The following SLC46A3 variants were observed in gnomAD, a reference collection of about 807,000 sequenced individuals.
SLC46A3 encodes lysosomal proton-coupled steroid conjugate and bile acid symporter SLC46A3.
In SLC46A3, 26 loss-of-function variants were observed where a neutral mutation model predicts 38.5. That is an observed-to-expected ratio of 0.68 (90% CI 0.49 to 0.94). The LOEUF (loss-of-function observed/expected upper bound fraction) is 0.94, where lower values mean the gene tolerates loss of function less well. Among genes scored for constraint, SLC46A3 ranks in the 40% least tolerant of loss-of-function variants. SLC46A3 has a pLI of 0.00. For missense variants in SLC46A3, 510 were observed against 544.3 expected, an observed-to-expected ratio of 0.94 and a Z score of 0.63; for synonymous variants, 185 against 192.5, an observed-to-expected ratio of 0.96 and a Z score of 0.32.
chr13:28,717,868 T>A lies in SLC46A3; in HGVS notation c.131A>T (p.Asp44Val). ...TTTTTCACACTCAGAAATATTGCTA[T>A]CAGATGAAAAAGTGTAGTTGCCAGT... ...EETGNYTFSS[D>V]SNISECEKNK... The change falls in exon 2 of 6, where the codon GAT becomes GTT. Residue 44 changes from aspartate (D) to valine (V), a missense_variant. Physicochemically the swap from Asp to Val is radical, Grantham distance 152. Coordinates refer to ENST00000266943, the MANE Select transcript of SLC46A3 (RefSeq NM_181785.4). The A allele has an allele frequency of 1.2e-6, 2 of 1,614,042 alleles. No individual in the cohort carries two copies. The highest frequency in any genetic ancestry group is 1.1e-5 in the South Asian group (1 of 91,034).
chr13:28,717,169 C>G (rs1002540420), intron 2 of SLC46A3, among the ~76,000 whole-genome samples: 2 of 152,080 alleles, frequency 1.3e-5, no homozygotes, highest in Admixed American at 1.3e-4. Flanking sequence ...TAATATCTGG[C>G]TAAACATCTT....
intron 3 of SLC46A3, among the ~76,000 whole-genome samples, chr13:28,711,433 A>C (rs1399231391): frequency 4.0e-5 from 6 of 151,830 alleles, no homozygotes; most frequent in East Asian, 3.9e-4. Context: ...AAAGAAAAAA[A>C]AAAAACAAAA....
chr13:28,705,111 C>T (rs1885138859), intron 4 of SLC46A3, among the ~76,000 whole-genome samples: 1 of 152,198 alleles, frequency 6.6e-6, no homozygotes, highest in Admixed American at 6.5e-5. Flanking sequence ...AATTTCATGA[C>T]CATTTTCAGT....
intron 2 of SLC46A3, among the ~76,000 whole-genome samples, chr13:28,716,196 A>G (rs1885523902): frequency 6.6e-6 from 1 of 152,116 alleles, no homozygotes; most frequent in African/African-American, 2.4e-5. Context: ...ACAAAATAAA[A>G]TAAAAAACAC....
Position 28,700,214 on chromosome 13 carries a change from G to C in SLC46A3, c.*1283C>G, listed in dbSNP as rs1044461911. 1 of 152,170 alleles carries C rather than the reference G, an allele frequency of 6.6e-6. No individual in the cohort carries two copies. The highest frequency in any genetic ancestry group is 2.4e-5 in the African/African-American group (1 of 41,440). The allele number at this position is 152,170 out of a possible 1,614,324, so 9.4% of individuals were successfully genotyped here. The stretch of plus-strand genomic sequence containing the variant: ...GCTGGGATCGAAGTGCACACAAAGA[G>C]CTATGGAAGCCCTGTAGGGACTGGG... On this transcript the variant is annotated 3_prime_UTR_variant, in exon 6 of 6. Coordinates refer to ENST00000266943, the MANE Select transcript of SLC46A3 (RefSeq NM_181785.4).
At chr13:28,703,866 T>C in intron 5 of SLC46A3, 77 bp downstream of exon 5, 3 of 1,360,970 alleles carry the variant, frequency 2.2e-6, no homozygotes, top group East Asian at 2.3e-5. Flanking sequence ...AACAGACCTA[T>C]GTAATTTACT....
In SLC46A3 at chr13:28,717,484, A is replaced by AATTTTTTTTTTTTTTGTT. The variant is rs1322198755; in HGVS notation, c.189+325_189+326insAACAAAAAAAAAAAAAAT. Reference sequence around the variant, plus strand: ...CAGCCTGCCCTGCCCCAATTTTCAGACTTTTTTTTTTTTTTTTTTTTTTTT... The same window carrying AATTTTTTTTTTTTTTGTT: ...CAGCCTGCCCTGCCCCAATTTTCAGAATTTTTTTTTTTTTTGTTCTTTTTTTTTTTTTTTTTTTTTTTT... On this transcript the variant is annotated intron_variant, in intron 2 of 5. Transcript: ENST00000266943. Among the ~76,000 whole-genome samples the AATTTTTTTTTTTTTTGTT allele has an allele frequency of 2.1e-5, 2 of 94,174 alleles. 1 individual carries two copies. The highest frequency in any genetic ancestry group is 7.2e-5 in the African/African-American group (2 of 27,638). The allele number at this position is 94,174 out of a possible 152,430, so 61.8% of individuals were successfully genotyped here.
In SLC46A3 at chr13:28,700,167, CA is replaced by C. The variant is rs1181295551; in HGVS notation, c.*1329del. 4.6e-5 allele frequency: 7 copies of C among 152,088 alleles called. No homozygotes were observed. Among genetic ancestry groups the C allele is most frequent in the African/African-American group, 1.7e-4 (7 of 41,378 alleles). 9.4% of individuals were successfully genotyped at this position (152,088 alleles called of 1,614,324 possible). On this transcript the variant is annotated 3_prime_UTR_variant, in exon 6 of 6. Coordinates refer to ENST00000266943, the MANE Select transcript of SLC46A3 (RefSeq NM_181785.4). ...GGCGATGATTGTCAGGTAGCAGAAA[CA>C]ATTACAAGTCGATGGAAAATGCTGG... is the stretch of plus-strand genomic sequence containing the variant.
At chr13:28,711,808 A>G (rs1885352801) in intron 3 of SLC46A3, among the ~76,000 whole-genome samples, 1 of 152,240 alleles carries the variant, frequency 6.6e-6, no homozygotes, top group Admixed American at 6.5e-5. Flanking sequence ...GGAGACAGGG[A>G]GAAAAACTGG....
chr13:28,707,414 G>A (rs71433280), intron 4 of SLC46A3, among the ~76,000 whole-genome samples: 8 of 127,770 alleles, frequency 6.3e-5, no homozygotes, highest in Non-Finnish European at 1.0e-4. Context: ...GTGGGGGGAG[G>A]GAGGAGGGGG....
chr13:28,716,817 C>G (rs564599410), intron 2 of SLC46A3, among the ~76,000 whole-genome samples: 1 of 152,166 alleles, frequency 6.6e-6, no homozygotes, highest in Non-Finnish European at 1.5e-5. Context: ...TCCTCCTTCT[C>G]AGGCTCTTCT....
At chr13:28,702,636 T>C (rs2137819094) in intron 5 of SLC46A3, among the ~76,000 whole-genome samples, 1 of 152,324 alleles carries the variant, frequency 6.6e-6, no homozygotes. Context: ...GAATAGTCTC[T>C]TTTTAAAAAA....
intron 5 of SLC46A3, among the ~76,000 whole-genome samples, chr13:28,701,816 T>G (rs949581875): frequency 1.3e-5 from 2 of 152,228 alleles, no homozygotes; most frequent in Non-Finnish European, 2.9e-5. Flanking sequence ...ATCTGTCCCA[T>G]GGTTAACTCT....
chr13:28,702,432 T>C (rs1885051575), intron 5 of SLC46A3, among the ~76,000 whole-genome samples: 1 of 152,196 alleles, frequency 6.6e-6, no homozygotes, highest in South Asian at 2.1e-4. Context: ...AATTACTCAT[T>C]ATTTGTTTAG....
intron 4 of SLC46A3, among the ~76,000 whole-genome samples, chr13:28,705,303 T>G (rs545519436): frequency 2.0e-5 from 3 of 152,372 alleles, no homozygotes; most frequent in East Asian, 3.9e-4. Flanking sequence ...TTGCTTGGAC[T>G]GATAGGAAGG....
chr13:28,701,614 G>A, intron 5 of SLC46A3, 33 bp from the exon 6 acceptor site: 1 of 1,589,510 alleles, frequency 6.3e-7, no homozygotes, highest in Non-Finnish European at 8.6e-7. Flanking sequence ...TTAAAGTTGA[G>A]ATTAAGACAA....
Position 28,703,871 on chromosome 13 carries a change from T to C in SLC46A3, c.1301+72A>G, listed in dbSNP as rs1240472908. The C allele has an allele frequency of 2.8e-6, 4 of 1,406,678 alleles. No individual in the cohort carries two copies. In the African/African-American group the frequency reaches 5.8e-5, roughly 20 times the overall value. The allele number at this position is 1,406,678 out of a possible 1,614,324, so 87.1% of individuals were successfully genotyped here. ...GCAAAATTTCAACAGACCTATGTAATTTACTGGTGAGGTTAGGGAATTCAC... is the reference window on the plus strand; with the variant it reads ...GCAAAATTTCAACAGACCTATGTAACTTACTGGTGAGGTTAGGGAATTCAC... On this transcript the variant is annotated intron_variant, in intron 5 of 5. Coordinates refer to ENST00000266943, the MANE Select transcript of SLC46A3 (RefSeq NM_181785.4).
At chr13:28,711,825 T>C (rs1461156151) in intron 3 of SLC46A3, among the ~76,000 whole-genome samples, 1 of 152,246 alleles carries the variant, frequency 6.6e-6, no homozygotes, top group East Asian at 1.9e-4. Context: ...CTGGCTATTA[T>C]TGAATAGTAG....
At chr13:28,703,731 T>C in intron 5 of SLC46A3, 2 of 356,912 alleles carry the variant, frequency 5.6e-6, no homozygotes, top group Non-Finnish European at 9.9e-6. Context: ...TGAATTTTCC[T>C]GTCATCCTTG....
Sources: gnomAD v4.1 joint callset for allele counts (sites outside exome capture counted in the v4.1 genomes callset) on GRCh38, gnomAD v4.1.1 for gene constraint, MANE v1.5 for transcripts, NCBI Gene and HGNC (gene_info 2026-07-23, HGNC 2026-07-21) for gene names.